Variants in GRID2 observed in about 807,000 individuals in gnomAD.
GRID2 encodes the protein glutamate ionotropic receptor delta type subunit 2.
GRID2 carries 33 observed loss-of-function variants against 114.8 expected under a neutral mutation model. That is an observed-to-expected ratio of 0.29 (90% CI 0.22 to 0.38). The LOEUF (loss-of-function observed/expected upper bound fraction) is 0.38. Among genes scored for constraint, GRID2 ranks in the 10% least tolerant of loss-of-function variants. The pLI is 1.00. For missense variants in GRID2, 1,184 were observed against 1,257.7 expected (o/e 0.94, Z 0.89); for synonymous variants, 505 against 449.9 (o/e 1.12, Z -1.55).
In GRID2 at chr4:92,997,199, A is replaced by T. The variant is rs575548015; in HGVS notation, c.245-87796A>T. Among the ~76,000 whole-genome samples the T allele has an allele frequency of 5.5e-4, 84 of 152,312 alleles. 2 individuals carry two copies. The South Asian group carries it at 0.013, about 24-fold the overall frequency. ...GGCTTAACACTACCACAACAAAATCATTATGTGTCAAGGCTGTGAAAGAGC... is the reference window on the plus strand; with the variant it reads ...GGCTTAACACTACCACAACAAAATCTTTATGTGTCAAGGCTGTGAAAGAGC... On this transcript the variant is annotated intron_variant, in intron 2 of 15. Coordinates refer to ENST00000282020, the MANE Select transcript of GRID2 (RefSeq NM_001510.4).
intron 2 of GRID2, among the ~76,000 whole-genome samples, chr4:92,980,402 A>T (rs1486251372): frequency 6.6e-6 from 1 of 152,074 alleles, no homozygotes. Context: ...GTGATATATC[A>T]TATAGATCAC....
At chr4:93,169,713 C>T (rs188831272) in intron 4 of GRID2, among the ~76,000 whole-genome samples, 1 of 152,308 alleles carries the variant, frequency 6.6e-6, no homozygotes, top group Admixed American at 6.5e-5. Flanking sequence ...AATGTGCCCA[C>T]TTGTGCTGAA....
chr4:92,330,144 T>C (rs1239745684), intron 1 of GRID2, among the ~76,000 whole-genome samples: 1 of 152,126 alleles, frequency 6.6e-6, no homozygotes, highest in Non-Finnish European at 1.5e-5. Context: ...TTTAATCCAT[T>C]GTGGGCCACA....
intron 13 of GRID2, among the ~76,000 whole-genome samples, chr4:93,571,648 G>C (rs981462060): frequency 1.3e-5 from 2 of 149,324 alleles, no homozygotes; most frequent in Non-Finnish European, 3.0e-5. Flanking sequence ...GTAATAAATT[G>C]TTGCTTATCA....
chr4:92,376,657 C>T (rs1032341369), intron 1 of GRID2, among the ~76,000 whole-genome samples: 3 of 73,378 alleles, frequency 4.1e-5, no homozygotes, highest in Admixed American at 1.1e-4. Context: ...AGAGGCCTGC[C>T]CCTGCAACAA....
chr4:92,656,407 T>G (rs574158521), intron 2 of GRID2, among the ~76,000 whole-genome samples: 17 of 151,448 alleles, frequency 1.1e-4, no homozygotes, highest in South Asian at 6.2e-4. Context: ...CTCACAAAGT[T>G]AACAACAATG....
At chr4:92,508,079 C>T (rs886113184) in intron 1 of GRID2, among the ~76,000 whole-genome samples, 1 of 151,860 alleles carries the variant, frequency 6.6e-6, no homozygotes, top group African/African-American at 2.4e-5. Flanking sequence ...CTGGAAGGTC[C>T]TTATGTTTCT....
intron 2 of GRID2, among the ~76,000 whole-genome samples, chr4:92,759,112 T>C (rs1317649480): frequency 1.3e-5 from 2 of 152,154 alleles, no homozygotes; most frequent in Admixed American, 6.5e-5. Context: ...AGAAAAACCA[T>C]GGAATTTTTG....
chr4:92,500,684 C>G (rs1306005165), intron 1 of GRID2, among the ~76,000 whole-genome samples: 1 of 152,012 alleles, frequency 6.6e-6, no homozygotes, highest in African/African-American at 2.4e-5. Flanking sequence ...TAAAAGAATA[C>G]CAGGTGGTAT....
intron 2 of GRID2, among the ~76,000 whole-genome samples, chr4:92,772,849 T>C (rs1738607697): frequency 6.6e-6 from 1 of 152,204 alleles, no homozygotes; most frequent in Admixed American, 6.5e-5. Context: ...GTTTTACTTA[T>C]GCATACACAT....
intron 8 of GRID2, among the ~76,000 whole-genome samples, chr4:93,305,730 G>A (rs1453891833): frequency 6.6e-6 from 1 of 152,156 alleles, no homozygotes; most frequent in African/African-American, 2.4e-5. Flanking sequence ...AATGGAACAG[G>A]AGCAGCCAGC....
At chr4:93,563,211 G>A (rs1237901309) in intron 13 of GRID2, among the ~76,000 whole-genome samples, 1 of 151,926 alleles carries the variant, frequency 6.6e-6, no homozygotes, top group Non-Finnish European at 1.5e-5. Context: ...ATTTTAAAAA[G>A]CACCATTTAT....
At chr4:92,621,820 T>A (rs1730290496) in intron 2 of GRID2, among the ~76,000 whole-genome samples, 1 of 151,726 alleles carries the variant, frequency 6.6e-6, no homozygotes, top group African/African-American at 2.4e-5. Context: ...TTCTTCAAAG[T>A]TTGATAATGA....
chr4:92,637,212 A>G (rs560385960), intron 2 of GRID2, among the ~76,000 whole-genome samples: 87 of 152,134 alleles, frequency 5.7e-4, no homozygotes, highest in African/African-American at 2.0e-3. Flanking sequence ...TTTACTATGC[A>G]GATTTTTTTA....
chr4:93,422,505 A>G (rs1246219874), intron 9 of GRID2, among the ~76,000 whole-genome samples: 1 of 152,162 alleles, frequency 6.6e-6, no homozygotes, highest in Non-Finnish European at 1.5e-5. Context: ...AGGACAGGAA[A>G]AATAAATTCA....
chr4:92,914,290 T>G (rs995099017), intron 2 of GRID2, among the ~76,000 whole-genome samples: 1 of 152,164 alleles, frequency 6.6e-6, no homozygotes, highest in Non-Finnish European at 1.5e-5. Flanking sequence ...GCTTGGTAAT[T>G]ATTTCCTTAG....
chr4:93,598,192 G>A (rs529472756), intron 13 of GRID2, among the ~76,000 whole-genome samples: 5 of 152,140 alleles, frequency 3.3e-5, no homozygotes, highest in East Asian at 3.9e-4. Flanking sequence ...ACACCCGGGC[G>A]GTCTGACTCT....
chr4:92,786,846 A>G (rs1288803195), intron 2 of GRID2, among the ~76,000 whole-genome samples: 2 of 151,906 alleles, frequency 1.3e-5, no homozygotes, highest in African/African-American at 4.8e-5. Flanking sequence ...TTCATACCAA[A>G]TTTAACCGAA....
intron 2 of GRID2, among the ~76,000 whole-genome samples, chr4:92,909,584 A>G (rs1190995312): frequency 6.6e-6 from 1 of 152,144 alleles, no homozygotes; most frequent in Non-Finnish European, 1.5e-5. Flanking sequence ...CCTCAGTTGC[A>G]GGGATACTTG....
Sources: gnomAD v4.1 joint callset for allele counts (sites outside exome capture counted in the v4.1 genomes callset) on GRCh38, gnomAD v4.1.1 for gene constraint, MANE v1.5 for transcripts, NCBI Gene and HGNC (gene_info 2026-07-23, HGNC 2026-07-21) for gene names.